Variants in TBRG4 observed in about 807,000 individuals in gnomAD.
TBRG4 encodes FAST kinase domain-containing protein 4.
Under a neutral mutation model 65.6 loss-of-function variants are expected in TBRG4, and 43 were observed. The observed-to-expected ratio is 0.66, with a 90% CI of 0.51 to 0.85. TBRG4 has a LOEUF of 0.85. Among genes scored for constraint, TBRG4 ranks in the 40% least tolerant of loss-of-function variants. TBRG4 has a pLI of 0.00. For synonymous variants in TBRG4, 366 were observed against 341.4 expected (o/e 1.07, Z -0.79); for missense variants, 709 against 787.9 (o/e 0.90, Z 1.20).
In TBRG4 at chr7:45,102,359, T is replaced by C. The variant is rs149235841; in HGVS notation, c.1309A>G (p.Ile437Val). ...LQAVLHPEFHIQFLGGKSQKD... is the reference protein window; with the variant it reads ...LQAVLHPEFHVQFLGGKSQKD... ...GCAGGGGGCTCACCTAGAAATTGGA[T>C]GTGAAATTCAGGGTGGAGGACGGCT... Residue 437 changes from isoleucine to valine, a missense_variant, in exon 7 of 11, where the codon ATC becomes GTC. Physicochemically the swap from Ile to Val is conservative, Grantham distance 29 (BLOSUM62 3). Coordinates refer to ENST00000258770, the MANE Select transcript of TBRG4 (RefSeq NM_004749.4). 454 of 1,614,042 alleles carry C rather than the reference T, an allele frequency of 2.8e-4. No individual in the cohort carries two copies. Among genetic ancestry groups the C allele is most frequent in the Non-Finnish European group, 3.5e-4 (415 of 1,180,012 alleles).
chr7:45,104,956 G>A (rs1414198030), intron 3 of TBRG4: 2 of 775,898 alleles, frequency 2.6e-6, no homozygotes, highest in African/African-American at 3.4e-5. Flanking sequence ...GTGACCCAGG[G>A]CCCATGAGCT....
chr7:45,108,986 C>A lies in TBRG4; in HGVS notation c.252G>T (p.Glu84Asp). 2 of 1,611,464 alleles carry A rather than the reference C, an allele frequency of 1.2e-6. No homozygotes were observed. Among genetic ancestry groups the A allele is most frequent in the East Asian group, 4.5e-5 (2 of 44,888 alleles). Residue 84 changes from glutamate to aspartate, a missense_variant, in exon 2 of 11, where the codon GAG becomes GAT. Coordinates refer to ENST00000258770, the MANE Select transcript of TBRG4 (RefSeq NM_004749.4). Reference sequence around the variant, plus strand: ...GACTGCCACCAAGTAGCTCCAGGAGCTCCTCTGGCCTTGTGGCCTTCTTGA... The same window carrying A: ...GACTGCCACCAAGTAGCTCCAGGAGATCCTCTGGCCTTGTGGCCTTCTTGA... ...HLIKKATRPEELLELLGGSHD... is the reference protein window; with the variant it reads ...HLIKKATRPEDLLELLGGSHD...
At position 45,109,201 on chromosome 7, in the gene TBRG4, G is replaced by A. The variant is rs747418617; in HGVS notation, c.37C>T (p.Leu13=). The change falls in exon 2 of 11, where the codon CTG becomes TTG. Residue 13 remains leucine, a synonymous_variant. Coordinates refer to ENST00000258770, the MANE Select transcript of TBRG4 (RefSeq NM_004749.4). ...GGGGCCTGACGAGCAGCTTCTCTCAGGAGGCACGTGCATCGCTTTACCAGG... is the reference window on the plus strand; with the variant it reads ...GGGGCCTGACGAGCAGCTTCTCTCAAGAGGCACGTGCATCGCTTTACCAGG... ...AHLVKRCTCL[L]REAARQAPAM... 7 of 1,610,884 alleles carry A rather than the reference G, an allele frequency of 4.3e-6. No homozygotes were observed. Among genetic ancestry groups the A allele is most frequent in the Non-Finnish European group, 5.9e-6 (7 of 1,178,400 alleles).
In TBRG4 at chr7:45,102,506, A is replaced by T. The variant is rs1431743547; in HGVS notation, c.1177-15T>A. The T allele has an allele frequency of 6.2e-7, 1 of 1,604,580 alleles. No individual in the cohort carries two copies. The highest frequency in any genetic ancestry group is 2.2e-5 in the East Asian group (1 of 44,888). On this transcript the variant is annotated splice_polypyrimidine_tract_variant and intron_variant, in intron 6 of 10. Coordinates refer to ENST00000258770, the MANE Select transcript of TBRG4 (RefSeq NM_004749.4). ...TTCTCATGTACCTGGGCAAGGATAGAGTGTGGTGGAGAAAGCAGGCTCTCC... is the reference window on the plus strand; with the variant it reads ...TTCTCATGTACCTGGGCAAGGATAGTGTGTGGTGGAGAAAGCAGGCTCTCC...
At position 45,105,386 on chromosome 7, in the gene TBRG4, A is replaced by T. The variant is rs538044622; in HGVS notation, c.735+55T>A. Reference sequence around the variant, plus strand: ...TGCAGACAACTGTCACCCAAAGAACAAGCCCAAAGCCCAGGGGAGGCAGGC... The same window carrying T: ...TGCAGACAACTGTCACCCAAAGAACTAGCCCAAAGCCCAGGGGAGGCAGGC... On this transcript the variant is annotated intron_variant, in intron 3 of 10. Coordinates refer to ENST00000258770, the MANE Select transcript of TBRG4 (RefSeq NM_004749.4). 34 of 1,535,734 alleles carry T rather than the reference A, an allele frequency of 2.2e-5. No homozygotes were observed. The African/African-American group carries it at 4.4e-4, about 20-fold the overall frequency.
intron 7 of TBRG4, 121 bp from the exon 8 acceptor site, chr7:45,102,191 CAG>C (rs1784787076): frequency 6.5e-7 from 1 of 1,531,238 alleles, no homozygotes; most frequent in East Asian, 2.3e-5. Context: ...CAGGAGGCAG[CAG>C]AGTTACGGTC....
rs759796140 is a variant in TBRG4 at position 45,102,488 on chromosome 7, G to A, written c.1180C>T (p.His394Tyr). ...DQEDQFFSLV[H>Y]EKLGSELPGL... ...GGCAGCTCTGACCCCAGCTTCTCATGTACCTGGGCAAGGATAGAGTGTGGT... is the reference window on the plus strand; with the variant it reads ...GGCAGCTCTGACCCCAGCTTCTCATATACCTGGGCAAGGATAGAGTGTGGT... The change falls in exon 7 of 11, where the codon CAT becomes TAT. Residue 394 changes from histidine (H) to tyrosine (Y), a missense_variant. By Grantham distance (83) the His-to-Tyr change is moderately conservative (BLOSUM62 2). Coordinates refer to ENST00000258770, the MANE Select transcript of TBRG4 (RefSeq NM_004749.4). The A allele has an allele frequency of 6.2e-7, 1 of 1,609,492 alleles. No individual in the cohort carries two copies. Among genetic ancestry groups the A allele is most frequent in the Admixed American group, 1.7e-5 (1 of 60,002 alleles).
rs1248135038 is a variant in TBRG4, at chr7:45,104,556, C to T, written c.889G>A (p.Asp297Asn). The change falls in exon 4 of 11, where the codon GAC becomes AAC. Residue 297 changes from aspartate to asparagine, a missense_variant. Physicochemically the swap from Asp to Asn is conservative, Grantham distance 23. Transcript: ENST00000258770. Reference protein sequence around the residue: ...PFSLTKDVLLDVAYAYGKLSF... With the variant: ...PFSLTKDVLLNVAYAYGKLSF... ...GGCTCACCATAGGCATAGGCCACGTCCAAGAGCACATCTTTCGTCAGAGAG... is the reference window on the plus strand; with the variant it reads ...GGCTCACCATAGGCATAGGCCACGTTCAAGAGCACATCTTTCGTCAGAGAG... 5.6e-6 allele frequency: 9 copies of T among 1,613,944 alleles called. No homozygotes were observed. The highest frequency in any genetic ancestry group is 1.1e-5 in the South Asian group (1 of 91,084).
chr7:45,105,497 C>T lies in TBRG4; in HGVS notation c.679G>A (p.Val227Ile), dbSNP rs80160104. ...EIEDSHTLVT[V>I]MMKVGHLSEP... ...GAGAGGTGTCCCACCTTCATCATGA[C>T]GGTCACTAATGTGTGGGAATCTTCA... The change falls in exon 3 of 11, where the codon GTC (valine) becomes ATC (isoleucine). Residue 227 changes from valine (V) to isoleucine (I), a missense_variant. Coordinates refer to ENST00000258770, the MANE Select transcript of TBRG4 (RefSeq NM_004749.4). 171 of 1,613,864 alleles carry T rather than the reference C, an allele frequency of 1.1e-4. No individual in the cohort carries two copies. Among genetic ancestry groups the T allele is most frequent in the East Asian group, 1.6e-4 (7 of 44,890 alleles).
In TBRG4 at chr7:45,104,528, A is replaced by T; in HGVS notation, c.907+10T>A. On this transcript the variant is annotated intron_variant, in intron 4 of 10. Coordinates refer to ENST00000258770, the MANE Select transcript of TBRG4 (RefSeq NM_004749.4). ...TCCCCTCTCTCCACCGTTCTGTCCA[A>T]AGGGCTCACCATAGGCATAGGCCAC... is the stretch of plus-strand genomic sequence containing the variant. 1 of 1,613,814 alleles carries T rather than the reference A, an allele frequency of 6.2e-7. No individual in the cohort carries two copies. The highest frequency in any genetic ancestry group is 8.5e-7 in the Non-Finnish European group (1 of 1,179,982).
At position 45,105,747 on chromosome 7, in the gene TBRG4, A is replaced by G. The variant is rs772996408; in HGVS notation, c.429T>C (p.His143=). The G allele has an allele frequency of 7.5e-6, 12 of 1,608,922 alleles. No individual in the cohort carries two copies. Among genetic ancestry groups the G allele is most frequent in the African/African-American group, 2.7e-5 (2 of 74,818 alleles). Residue 143 remains histidine, a synonymous_variant, in exon 3 of 11, where the codon CAT becomes CAC. Transcript: ENST00000258770. ...LLNSQIASVW[H]GTLSKLLGSL... ...TTCCCAGCAGCTTCGAGAGGGTACC[A>G]TGCCAGACCGAGGCAATCTAGGCAG...
chr7:45,109,324 G>T, intron 1 of TBRG4, 37 bp from the exon 2 acceptor site: 1 of 1,474,146 alleles, frequency 6.8e-7, no homozygotes. Flanking sequence ...GCTACTACAG[G>T]GGCAGTTCCT....
chr7:45,107,373 G>A (rs1784991966), intron 2 of TBRG4: 1 of 152,230 alleles, frequency 6.6e-6, no homozygotes. Context: ...TGCTATTCAG[G>A]TACTGTGTCC....
chr7:45,109,209 G>A lies in TBRG4; in HGVS notation c.29C>T (p.Thr10Met), dbSNP rs369629583. The change falls in exon 2 of 11, where the codon ACG (threonine) becomes ATG (methionine). Residue 10 changes from threonine (T) to methionine (M), a missense_variant. Thr to Met is a moderately conservative substitution (Grantham distance 81). Coordinates refer to ENST00000258770, the MANE Select transcript of TBRG4 (RefSeq NM_004749.4). ...ACGAGCAGCTTCTCTCAGGAGGCACGTGCATCGCTTTACCAGGTGAGCTGC... is the reference window on the plus strand; with the variant it reads ...ACGAGCAGCTTCTCTCAGGAGGCACATGCATCGCTTTACCAGGTGAGCTGC... MAAHLVKRC[T>M]CLLREAARQA... 2.3e-5 allele frequency: 37 copies of A among 1,607,024 alleles called. No homozygotes were observed. The highest frequency in any genetic ancestry group is 1.7e-4 in the Middle Eastern group (1 of 6,030).
Position 45,100,130 on chromosome 7 carries a change from A to G in TBRG4, c.*195T>C. 1 of 543,282 alleles carries G rather than the reference A, an allele frequency of 1.8e-6. No individual in the cohort carries two copies. Among genetic ancestry groups the G allele is most frequent in the Non-Finnish European group, 3.3e-6 (1 of 306,776 alleles). 33.7% of individuals were successfully genotyped at this position (543,282 alleles called of 1,614,324 possible). On this transcript the variant is annotated 3_prime_UTR_variant, in exon 11 of 11. Coordinates refer to ENST00000258770, the MANE Select transcript of TBRG4 (RefSeq NM_004749.4). ...GTGCAGAGGGTGACCAAGCCTGGGA[A>G]GGCCCCAGGGGTCCAACACCAAAAT... is the stretch of plus-strand genomic sequence containing the variant.
intron 2 of TBRG4, chr7:45,107,265 A>T (rs1784988560): frequency 6.6e-6 from 1 of 152,176 alleles, no homozygotes; most frequent in Non-Finnish European, 1.5e-5. Flanking sequence ...TATACAGGTA[A>T]ACGAAGGTGA....
chr7:45,100,235 A>T lies in TBRG4; in HGVS notation c.*90T>A. On this transcript the variant is annotated 3_prime_UTR_variant, in exon 11 of 11. Transcript: ENST00000258770. ...CTCCCCACTCTGGCCAAGGTCCTGC[A>T]CAGAGGTTTGTCCTCAAGGGTGACC... 9.3e-7 allele frequency: 1 copy of T among 1,079,722 alleles called. No individual in the cohort carries two copies. The highest frequency in any genetic ancestry group is 1.3e-6 in the Non-Finnish European group (1 of 741,178). 66.9% of individuals were successfully genotyped at this position (1,079,722 alleles called of 1,614,324 possible). A position where few individuals can be genotyped will look rare whatever the true frequency, so the allele number is the denominator to read the frequency against.
chr7:45,110,172 A>G (rs571467428), intron 1 of TBRG4, among the ~76,000 whole-genome samples: 3 of 152,234 alleles, frequency 2.0e-5, no homozygotes, highest in African/African-American at 7.2e-5. Context: ...TGATTTTCTC[A>G]GTCTTAGCTT....
At chr7:45,104,450 C>T in intron 4 of TBRG4, 88 bp downstream of exon 4, 2 of 1,600,582 alleles carry the variant, frequency 1.2e-6, no homozygotes, top group South Asian at 1.1e-5. Flanking sequence ...GCCTACCATG[C>T]ATAGGACAGG....
Sources: gnomAD v4.1 joint callset for allele counts (sites outside exome capture counted in the v4.1 genomes callset) on GRCh38, gnomAD v4.1.1 for gene constraint, MANE v1.5 for transcripts, NCBI Gene and HGNC (gene_info 2026-07-23, HGNC 2026-07-21) for gene names.